MVB12B: variants seen among roughly 807,000 people sequenced by gnomAD.
MVB12B encodes multivesicular body subunit 12B.
A neutral mutation model predicts 41.6 loss-of-function variants in MVB12B; 16 were observed. The observed-to-expected ratio is 0.38, with a 90% CI of 0.26 to 0.58. The LOEUF (loss-of-function observed/expected upper bound fraction) is 0.58. Ranked by LOEUF, MVB12B falls within the 20% of genes least tolerant of loss-of-function variation. The pLI, the probability that MVB12B is intolerant of heterozygous loss-of-function variation, is 0.62. For missense variants in MVB12B, 274 were observed against 380.2 expected, an observed-to-expected ratio of 0.72 and a Z score of 2.32; for synonymous variants, 133 against 139.7, an observed-to-expected ratio of 0.95 and a Z score of 0.34.
chr9:126,496,334 C>T (rs1348171071), intron 9 of MVB12B, among the ~76,000 whole-genome samples: 1 of 144,504 alleles, frequency 6.9e-6, no homozygotes, highest in East Asian at 2.0e-4. Flanking sequence ...TCCACCCATC[C>T]ACATATTAAC....
intron 7 of MVB12B, among the ~76,000 whole-genome samples, chr9:126,439,673 T>TGTAA (rs1832582861): frequency 6.6e-6 from 1 of 152,230 alleles, no homozygotes; most frequent in Non-Finnish European, 1.5e-5. Flanking sequence ...ACCTTTCACA[T>TGTAA]ACCCTCTTCT....
Position 126,356,579 on chromosome 9 carries a change from G to T in MVB12B, c.204+15949G>T, listed in dbSNP as rs531064150. On this transcript the variant is annotated intron_variant, in intron 2 of 9. Coordinates refer to ENST00000361171, the MANE Select transcript of MVB12B (RefSeq NM_033446.3). ...ATGAACATGTTCATCACCCCTAAAA[G>T]GTTCCTCCTACCCTTTTACAATGCA... Among the ~76,000 whole-genome samples the T allele has an allele frequency of 9.9e-5, 15 of 152,134 alleles. No homozygotes were observed. In the South Asian group the frequency reaches 2.7e-3, roughly 27 times the overall value.
chr9:126,370,376 GC>G, intron 2 of MVB12B, among the ~76,000 whole-genome samples: 1 of 145,162 alleles, frequency 6.9e-6, no homozygotes, highest in Non-Finnish European at 1.5e-5. Context: ...CTTGGGAGGG[GC>G]TCTTTTTTTT....
rs1830982586 is a variant in MVB12B, at chr9:126,392,347, C to G, written c.539+152C>G. The G allele has an allele frequency of 4.9e-5, 44 of 902,000 alleles. No individual in the cohort carries two copies. In the South Asian group the frequency reaches 7.0e-4, roughly 14 times the overall value. 55.9% of individuals were successfully genotyped at this position (902,000 alleles called of 1,614,324 possible). ...CCAGTGCTCCTCGCTGCCCTTCCTGCTCAGCTGCGGTCTCTCTGAGCCTCG... is the reference window on the plus strand; with the variant it reads ...CCAGTGCTCCTCGCTGCCCTTCCTGGTCAGCTGCGGTCTCTCTGAGCCTCG... On this transcript the variant is annotated intron_variant, in intron 5 of 9. Transcript: ENST00000361171. The surrounding 1 kb of genome is among the most constrained non-coding windows in gnomAD (Gnocchi z 4.8).
chr9:126,355,002 T>A (rs1829842713), intron 2 of MVB12B, among the ~76,000 whole-genome samples: 1 of 152,198 alleles, frequency 6.6e-6, no homozygotes, highest in Non-Finnish European at 1.5e-5. Flanking sequence ...CTTATTTTTT[T>A]CCAATTGTGT....
chr9:126,363,647 C>A (rs1830086779), intron 2 of MVB12B, among the ~76,000 whole-genome samples: 1 of 152,182 alleles, frequency 6.6e-6, no homozygotes, highest in South Asian at 2.1e-4. Flanking sequence ...GTTTTACTTA[C>A]CACCAAGCGC....
At chr9:126,457,578 T>C (rs749927617) in intron 7 of MVB12B, among the ~76,000 whole-genome samples, 2 of 152,188 alleles carry the variant, frequency 1.3e-5, no homozygotes, top group East Asian at 3.8e-4. Flanking sequence ...CGGGTAGAGA[T>C]TGGGCTTCTA....
intron 6 of MVB12B, among the ~76,000 whole-genome samples, chr9:126,418,556 C>A (rs1051151264): frequency 6.6e-6 from 1 of 152,164 alleles, no homozygotes; most frequent in Non-Finnish European, 1.5e-5. Flanking sequence ...CCTCACTCTC[C>A]CACAGACGGG....
At position 126,478,342 on chromosome 9, in the gene MVB12B, C is replaced by A. The variant is rs1833458647; in HGVS notation, c.758-3027C>A. 6.6e-6 allele frequency among the ~76,000 whole-genome samples: 1 copy of A among 152,072 alleles called. No individual in the cohort carries two copies. Among genetic ancestry groups the A allele is most frequent in the Non-Finnish European group, 1.5e-5 (1 of 68,010 alleles). ...CCAGGCTGGAGCCCTCTACCCAGTT[C>A]CCCAGATCCCCGTGCATGGGAACAG... On this transcript the variant is annotated intron_variant, in intron 7 of 9. Coordinates refer to ENST00000361171, the MANE Select transcript of MVB12B (RefSeq NM_033446.3). This position sits in a 1 kb window ranked among gnomAD's most constrained non-coding sequence, Gnocchi z 4.2.
intron 7 of MVB12B, among the ~76,000 whole-genome samples, chr9:126,454,665 A>G (rs1488647312): frequency 6.6e-6 from 1 of 152,246 alleles, no homozygotes; most frequent in Non-Finnish European, 1.5e-5. Context: ...CCAACTAAAT[A>G]AGTGAGATGG....
At chr9:126,382,853 G>A (rs1217598166) in intron 3 of MVB12B, among the ~76,000 whole-genome samples, 1 of 152,148 alleles carries the variant, frequency 6.6e-6, no homozygotes, top group Non-Finnish European at 1.5e-5. Flanking sequence ...TGTTAGCATT[G>A]GGTGTCATGG....
In MVB12B at chr9:126,340,066, C is replaced by G. The variant is rs1236385369; in HGVS notation, c.82-442C>G. Among the ~76,000 whole-genome samples, 1 of 152,156 alleles carries G rather than the reference C, an allele frequency of 6.6e-6. No homozygotes were observed. The highest frequency in any genetic ancestry group is 1.5e-5 in the Non-Finnish European group (1 of 68,036). On this transcript the variant is annotated intron_variant, in intron 1 of 9. Coordinates refer to ENST00000361171, the MANE Select transcript of MVB12B (RefSeq NM_033446.3). The surrounding 1 kb of genome is among the most constrained non-coding windows in gnomAD (Gnocchi z 4.0). ...TTTGCAAAGCTCTGCGTGCTGAAGG[C>G]CTAACCTTGGCTGTGGGTTTGGAAG... is the stretch of plus-strand genomic sequence containing the variant.
intron 2 of MVB12B, among the ~76,000 whole-genome samples, chr9:126,346,188 A>G (rs571064777): frequency 1.4e-4 from 21 of 152,114 alleles, no homozygotes; most frequent in Non-Finnish European, 2.5e-4. Context: ...TCGGGGGAGG[A>G]TAAGCAGTGA....
chr9:126,481,397 A>G lies in MVB12B; in HGVS notation c.786A>G (p.Ser262=), dbSNP rs146770258. 185 of 1,613,732 alleles carry G rather than the reference A, an allele frequency of 1.1e-4. No individual in the cohort carries two copies. In the African/African-American group the frequency reaches 2.1e-3, roughly 19 times the overall value. Residue 262 remains serine (S), a synonymous_variant, in exon 8 of 10, where the codon TCA becomes TCG. Transcript: ENST00000361171. The part of the protein sequence containing the change: ...SAMDGVPFMI[S]EKFSCVPESM... The stretch of plus-strand genomic sequence containing the variant: ...TGGATGGTGTGCCTTTTATGATTTC[A>G]GAGAAGTTTTCTTGTGTTCCAGAAA...
At chr9:126,406,237 C>T (rs1020221516) in intron 6 of MVB12B, among the ~76,000 whole-genome samples, 2 of 152,288 alleles carry the variant, frequency 1.3e-5, no homozygotes, top group South Asian at 2.1e-4. Flanking sequence ...CCTGATGGAA[C>T]GCTGACCCTC....
At chr9:126,458,000 G>C (rs772107652) in intron 7 of MVB12B, among the ~76,000 whole-genome samples, 5 of 152,148 alleles carry the variant, frequency 3.3e-5, no homozygotes, top group Non-Finnish European at 7.3e-5. Flanking sequence ...AGCAGAAAGC[G>C]AATAGCCATT....
Position 126,391,094 on chromosome 9 carries a change from C to T in MVB12B, c.410-972C>T, listed in dbSNP as rs575219762. Among the ~76,000 whole-genome samples, 2 of 152,142 alleles carry T rather than the reference C, an allele frequency of 1.3e-5. No individual in the cohort carries two copies. ...GATGGCAGTTGGGGAACTGTGTGAC[C>T]GAGGTCCTGGGCCGACGCCAGCAGA... is the stretch of plus-strand genomic sequence containing the variant. On this transcript the variant is annotated intron_variant, in intron 4 of 9. Transcript: ENST00000361171. This position sits in a 1 kb window ranked among gnomAD's most constrained non-coding sequence, Gnocchi z 4.4.
At chr9:126,396,078 A>G (rs765405048) in intron 6 of MVB12B, 34 of 1,018,626 alleles carry the variant, frequency 3.3e-5, no homozygotes, top group Non-Finnish European at 3.9e-5. Context: ...TTTGAAACCC[A>G]GGAGGGTAGG....
In MVB12B at chr9:126,367,693, C is replaced by T. The variant is rs980638192; in HGVS notation, c.205-13371C>T. ...TATCCATACTGTGTCTGCCCCTGCA[C>T]TAGTTGCTTCCACACACAGTATTTA... On this transcript the variant is annotated intron_variant, in intron 2 of 9. Coordinates refer to ENST00000361171, the MANE Select transcript of MVB12B (RefSeq NM_033446.3). The surrounding 1 kb of genome is among the most constrained non-coding windows in gnomAD (Gnocchi z 4.3). Among the ~76,000 whole-genome samples the T allele has an allele frequency of 6.6e-6, 1 of 152,246 alleles. No homozygotes were observed. The highest frequency in any genetic ancestry group is 1.5e-5 in the Non-Finnish European group (1 of 68,050).
Sources: allele counts gnomAD v4.1 joint callset (sites outside exome capture counted in the v4.1 genomes callset), GRCh38; gene constraint gnomAD v4.1.1; non-coding constraint Gnocchi (gnomAD v3.1); transcripts MANE v1.5; gene names NCBI Gene and HGNC (gene_info 2026-07-23, HGNC 2026-07-21).